Variants in RBM44 observed in about 807,000 individuals in gnomAD.
RBM44 encodes RNA-binding protein 44.
Under a neutral mutation model 105.1 loss-of-function variants are expected in RBM44, and 66 were observed. The ratio of observed to expected loss-of-function variants is 0.63; its 90% CI spans 0.52 to 0.77. The LOEUF (loss-of-function observed/expected upper bound fraction) is 0.77, where lower values mean the gene tolerates loss of function less well. RBM44 is among the 30% of genes least tolerant of loss of function. The pLI, the probability that RBM44 is intolerant of heterozygous loss-of-function variation, is 0.00. For synonymous variants in RBM44, 365 were observed against 417.6 expected (o/e 0.87, Z 1.54); for missense variants, 1,122 against 1,207.8 (o/e 0.93, Z 1.05).
intron 1 of RBM44, among the ~76,000 whole-genome samples, chr2:237,812,489 G>T (rs1036500403): frequency 6.6e-6 from 1 of 152,122 alleles, no homozygotes; most frequent in Non-Finnish European, 1.5e-5. Flanking sequence ...GCAAAGTCAG[G>T]ATTCAAGGCT....
intron 15 of RBM44, among the ~76,000 whole-genome samples, chr2:237,835,869 C>A (rs752661541): frequency 6.6e-6 from 1 of 152,074 alleles, no homozygotes; most frequent in Non-Finnish European, 1.5e-5. Context: ...CCACTCCCAC[C>A]CTTTCCCTCA....
At position 237,821,131 on chromosome 2, in the gene RBM44, G is replaced by A. The variant is rs1214654592; in HGVS notation, c.1974G>A (p.Gly658=). ...ELGSALLSLL[G]DLKVRYVTLK... Reference sequence around the variant, plus strand: ...GATCAGCACTACTGTCTCTTTTGGGGGACTTAAAAGTTAGATATGTGACTT... The same window carrying A: ...GATCAGCACTACTGTCTCTTTTGGGAGACTTAAAAGTTAGATATGTGACTT... Residue 658 remains glycine, a synonymous_variant, in exon 6 of 16, where the codon GGG becomes GGA. Transcript: ENST00000316997. The A allele has an allele frequency of 1.2e-6, 2 of 1,610,570 alleles. No individual in the cohort carries two copies. Among genetic ancestry groups the A allele is most frequent in the South Asian group, 1.1e-5 (1 of 90,468 alleles).
At chr2:237,834,871 T>G (rs2061941932) in intron 15 of RBM44, 1 of 152,854 alleles carries the variant, frequency 6.5e-6, no homozygotes, top group Admixed American at 6.5e-5. Context: ...TCATGGCAGC[T>G]GGCTTCCCCT....
intron 10 of RBM44, among the ~76,000 whole-genome samples, chr2:237,826,949 G>A (rs2061853626): frequency 6.6e-6 from 1 of 151,978 alleles, no homozygotes; most frequent in Non-Finnish European, 1.5e-5. Context: ...GGATACTGAG[G>A]GACAACAATT....
At chr2:237,800,381 A>G (rs1402853544) in intron 1 of RBM44, among the ~76,000 whole-genome samples, 1 of 152,192 alleles carries the variant, frequency 6.6e-6, no homozygotes, top group Non-Finnish European at 1.5e-5. Context: ...TATCGCATAC[A>G]TGATCTGCAA....
chr2:237,825,009 T>C (rs1209912949), intron 10 of RBM44, among the ~76,000 whole-genome samples: 1 of 152,078 alleles, frequency 6.6e-6, no homozygotes, highest in Non-Finnish European at 1.5e-5. Context: ...TTGGTTGTAT[T>C]GTTTTTTCCT....
intron 8 of RBM44, among the ~76,000 whole-genome samples, 180 bp downstream of exon 8, chr2:237,822,007 A>G (rs1431688089): frequency 6.6e-6 from 1 of 152,088 alleles, no homozygotes; most frequent in East Asian, 1.9e-4. Context: ...CTGATCAAAC[A>G]GATGTCAACC....
chr2:237,837,206 A>G lies in RBM44; in HGVS notation c.*22+2783A>G, dbSNP rs1219572570. The stretch of plus-strand genomic sequence containing the variant: ...ACCAAGAACTCTGATGGAGATGTAG[A>G]AGGAAATTAATGGGGTTTTTTTTAT... On this transcript the variant is annotated intron_variant, in intron 15 of 15. Coordinates refer to ENST00000316997, the MANE Select transcript of RBM44 (RefSeq NM_001080504.3). Among the ~76,000 whole-genome samples, 3 of 152,336 alleles carry G rather than the reference A, an allele frequency of 2.0e-5. No homozygotes were observed. In the East Asian group the frequency reaches 5.8e-4, roughly 29 times the overall value.
chr2:237,815,936 C>A (rs1436518800), intron 2 of RBM44, among the ~76,000 whole-genome samples: 3 of 152,102 alleles, frequency 2.0e-5, no homozygotes, highest in Non-Finnish European at 4.4e-5. Context: ...CATGACTACC[C>A]TTTAATGAAG....
chr2:237,820,220 G>A lies in RBM44; in HGVS notation c.1782G>A (p.Met594Ile). 2 of 1,575,428 alleles carry A rather than the reference G, an allele frequency of 1.3e-6. No individual in the cohort carries two copies. The highest frequency in any genetic ancestry group is 1.8e-5 in the Admixed American group (1 of 54,088). Residue 594 changes from methionine (M) to isoleucine (I), a missense_variant, in exon 5 of 16, where the codon ATG (methionine) becomes ATA (isoleucine). Coordinates refer to ENST00000316997, the MANE Select transcript of RBM44 (RefSeq NM_001080504.3). ...FKDTEKDLPS[M>I]CCQKIMQRAI... ...ATACAGAGAAGGATTTGCCATCAAT[G>A]TGCTGTCAGAAGATAATGCAGAGAG...
rs761654548 is a variant in RBM44 at position 237,817,872 on chromosome 2, C to T, written c.953C>T (p.Pro318Leu). The change falls in exon 3 of 16, where the codon CCT becomes CTT. Residue 318 changes from proline (P) to leucine (L), a missense_variant. By Grantham distance (98) the Pro-to-Leu change is moderately conservative. This residue lies in a region of RBM44 where 918 missense variants were observed against 955.3 expected (regional missense o/e 0.96). Transcript: ENST00000316997. ...ESQSKSGSLS[P>L]QKVLKMKIYT... ...CAATCTAAGAGTGGTTCCTTGAGCC[C>T]TCAAAAAGTATTAAAAATGAAAATT... The T allele has an allele frequency of 1.2e-6, 2 of 1,604,264 alleles. No individual in the cohort carries two copies. Among genetic ancestry groups the T allele is most frequent in the South Asian group, 1.1e-5 (1 of 89,536 alleles).
intron 12 of RBM44, among the ~76,000 whole-genome samples, chr2:237,828,687 A>G (rs1553728917): frequency 6.6e-6 from 1 of 152,132 alleles, no homozygotes; most frequent in Non-Finnish European, 1.5e-5. Flanking sequence ...GCTATTGCCC[A>G]ACTTTCTTGT....
intron 1 of RBM44, 111 bp from the exon 2 acceptor site, chr2:237,813,481 T>A (rs906077301): frequency 1.7e-5 from 10 of 589,996 alleles, no homozygotes; most frequent in Admixed American, 3.4e-5. Flanking sequence ...ATTGGTTTTT[T>A]AAAAAATGTT....
chr2:237,822,119 T>G (rs1413397142), intron 8 of RBM44, among the ~76,000 whole-genome samples: 2 of 152,028 alleles, frequency 1.3e-5, no homozygotes, highest in African/African-American at 4.8e-5. Flanking sequence ...GGTATAAACA[T>G]GGACTGTCCT....
rs117167235 is a variant in RBM44 at position 237,809,085 on chromosome 2, T to G, written c.-18-4507T>G. ...CATTTCATGACCCTTAATAACACAA[T>G]GTATGATCAGCCCCTACCAATTTGA... On this transcript the variant is annotated intron_variant, in intron 1 of 15. Coordinates refer to ENST00000316997, the MANE Select transcript of RBM44 (RefSeq NM_001080504.3). Among the ~76,000 whole-genome samples, 16 of 152,336 alleles carry G rather than the reference T, an allele frequency of 1.1e-4. No homozygotes were observed. The East Asian group carries it at 2.9e-3, about 28-fold the overall frequency.
At chr2:237,827,897 G>T (rs907604663) in intron 12 of RBM44, among the ~76,000 whole-genome samples, 6 of 152,040 alleles carry the variant, frequency 3.9e-5, no homozygotes, top group Non-Finnish European at 8.8e-5. Flanking sequence ...TAACCTTTCT[G>T]TACCTCAGCC....
chr2:237,814,904 C>A (rs2061699215), intron 2 of RBM44, among the ~76,000 whole-genome samples: 1 of 145,084 alleles, frequency 6.9e-6, no homozygotes, highest in South Asian at 2.2e-4. Context: ...CCACCCCCCC[C>A]TACACACACA....
At position 237,824,423 on chromosome 2, in the gene RBM44, G is replaced by A. The variant is rs1442317230; in HGVS notation, c.2449+4G>A. 1 of 1,610,750 alleles carries A rather than the reference G, an allele frequency of 6.2e-7. No homozygotes were observed. The highest frequency in any genetic ancestry group is 1.3e-5 in the African/African-American group (1 of 74,772). On this transcript the variant is annotated splice_donor_region_variant and intron_variant, in intron 10 of 15. Transcript: ENST00000316997. ...TGGAATTTGGATCTTACAGGAGGTT[G>A]GTTCTCAAGAATTTACCGAGAAATC...
rs749764488 is a variant in RBM44 at position 237,818,522 on chromosome 2, A to T, written c.1603A>T (p.Met535Leu). Residue 535 changes from methionine (M) to leucine (L), a missense_variant, in exon 3 of 16, where the codon ATG becomes TTG. This residue lies in a region of RBM44 where 918 missense variants were observed against 955.3 expected (regional missense o/e 0.96). Coordinates refer to ENST00000316997, the MANE Select transcript of RBM44 (RefSeq NM_001080504.3). This position sits in a 1 kb window ranked among gnomAD's most constrained non-coding sequence, Gnocchi z 4.6. ...CAGTGAAGATTGTATAGATACACAG[A>T]TGGCTATAACAAAAGGATCAGGAAA... ...SYSEDCIDTQ[M>L]AITKGSGKSL... is the part of the protein sequence containing the mutation. 4 of 1,607,362 alleles carry T rather than the reference A, an allele frequency of 2.5e-6. No homozygotes were observed. Among genetic ancestry groups the T allele is most frequent in the Non-Finnish European group, 3.4e-6 (4 of 1,176,772 alleles).
Sources: allele counts gnomAD v4.1 joint callset (sites outside exome capture counted in the v4.1 genomes callset), GRCh38; gene constraint gnomAD v4.1.1; regional missense constraint gnomAD v4.1.1; non-coding constraint Gnocchi (gnomAD v3.1); transcripts MANE v1.5; gene names NCBI Gene and HGNC (gene_info 2026-07-23, HGNC 2026-07-21).